The following SULT6B1 variants were observed in gnomAD, a reference collection of about 807,000 sequenced individuals.
SULT6B1 encodes the protein sulfotransferase 6B1.
A neutral mutation model predicts 37.2 loss-of-function variants in SULT6B1; 44 were observed. The ratio of observed to expected loss-of-function variants is 1.18; its 90% CI spans 0.93 to 1.52. The LOEUF (loss-of-function observed/expected upper bound fraction) is 1.52. Among genes scored for constraint, SULT6B1 ranks in the 40% most tolerant of loss-of-function variants. The pLI, the probability that SULT6B1 is intolerant of heterozygous loss-of-function variation, is 0.00. For missense variants in SULT6B1, 450 were observed against 361.0 expected (o/e 1.25, Z -2.00); for synonymous variants, 140 against 126.0 (o/e 1.11, Z -0.74).
In SULT6B1 at chr2:37,188,460, C is replaced by T. The variant is rs45552433; in HGVS notation, c.181G>A (p.Ala61Thr). The change falls in exon 1 of 7, where the codon GCA becomes ACA. Residue 61 changes from alanine (A) to threonine (T), a missense_variant. Coordinates refer to ENST00000535679, the MANE Select transcript of SULT6B1 (RefSeq NM_001367551.1). ...FEARHDDIVL[A>T]SYPKCGSNWI... ...CATTTACCGCACTTTGGATAAGATG[C>T]TAGCACGATGTCATCATGTCTGGCT... 48,543 of 1,613,508 alleles carry T rather than the reference C, an allele frequency of 0.03. 875 individuals carry two copies. Among genetic ancestry groups the T allele is most frequent in the Middle Eastern group, 0.036 (218 of 6,058 alleles).
chr2:37,189,610 C>A (rs1043883029), upstream of SULT6B1, among the ~76,000 whole-genome samples: 1 of 152,190 alleles, frequency 6.6e-6, no homozygotes, highest in African/African-American at 2.4e-5. Context: ...GTTTAGGAAG[C>A]TGTACACATG....
At chr2:37,184,572 T>G (rs1437985464) in intron 2 of SULT6B1, among the ~76,000 whole-genome samples, 1 of 152,170 alleles carries the variant, frequency 6.6e-6, no homozygotes, top group Admixed American at 6.5e-5. Context: ...ATAATGTAAG[T>G]GATAAAAGGA....
chr2:37,175,133 T>G lies in SULT6B1; in HGVS notation c.623A>C (p.Glu208Ala). The G allele has an allele frequency of 6.5e-7, 1 of 1,535,090 alleles. No individual in the cohort carries two copies. Among genetic ancestry groups the G allele is most frequent in the Non-Finnish European group, 8.8e-7 (1 of 1,136,170 alleles). Residue 208 changes from glutamate (E) to alanine (A), a missense_variant and splice_region_variant, in exon 5 of 7, where the codon GAG becomes GCG. Transcript: ENST00000535679. ...CTAAAATATCAATAATAATCTCACCTCTTTCAGGTCTTCATATAATATGAA... is the reference window on the plus strand; with the variant it reads ...CTAAAATATCAATAATAATCTCACCGCTTTCAGGTCTTCATATAATATGAA... ...VKFILYEDLKENLAAGIKQIA... is the reference protein window; with the variant it reads ...VKFILYEDLKANLAAGIKQIA...
At chr2:37,171,045 T>C (rs1467652599) in intron 6 of SULT6B1, among the ~76,000 whole-genome samples, 3 of 152,166 alleles carry the variant, frequency 2.0e-5, no homozygotes, top group Non-Finnish European at 2.9e-5. Context: ...AAGACCATCC[T>C]GGCCAACATG....
chr2:37,185,451 T>C (rs1470270777), intron 2 of SULT6B1, among the ~76,000 whole-genome samples: 1 of 152,116 alleles, frequency 6.6e-6, no homozygotes, highest in South Asian at 2.1e-4. Context: ...GCGTGGTGGC[T>C]CATGCCTGTA....
intron 3 of SULT6B1, among the ~76,000 whole-genome samples, chr2:37,181,631 T>C (rs6708973): frequency 0.3 from 44,951 of 151,876 alleles, 7,680 homozygotes; most frequent in East Asian, 0.78. Context: ...TCCCTCCTGC[T>C]TCGGCCTCCC....
At chr2:37,194,551 G>T in intron 1 of SULT6B1, 1 of 392,542 alleles carries the variant, frequency 2.5e-6, no homozygotes, top group South Asian at 2.0e-5. Flanking sequence ...TGGTATCAAT[G>T]CACACATCTG....
chr2:37,194,280 A>G, intron 1 of SULT6B1: 1 of 187,218 alleles, frequency 5.3e-6, no homozygotes, highest in Middle Eastern at 2.2e-3. Context: ...GGGTTTCACC[A>G]TATTGGCCAA....
intron 4 of SULT6B1, among the ~76,000 whole-genome samples, chr2:37,176,047 T>G (rs956807038): frequency 3.3e-5 from 5 of 152,146 alleles, no homozygotes; most frequent in Non-Finnish European, 7.3e-5. Flanking sequence ...AAGTGCTCCG[T>G]TGTCACATAT....
chr2:37,181,295 C>G (rs913993350), intron 3 of SULT6B1, among the ~76,000 whole-genome samples: 1 of 152,286 alleles, frequency 6.6e-6, no homozygotes, highest in Non-Finnish European at 1.5e-5. Flanking sequence ...TGTAAGTTTA[C>G]AAAGACATAA....
chr2:37,194,105 T>C (rs531046809), intron 1 of SULT6B1, among the ~76,000 whole-genome samples: 1 of 152,366 alleles, frequency 6.6e-6, no homozygotes, highest in East Asian at 1.9e-4. Context: ...AAAGAAATTT[T>C]ATATTTATAT....
At chr2:37,179,790 A>T (rs1676512327) in intron 3 of SULT6B1, among the ~76,000 whole-genome samples, 1 of 152,202 alleles carries the variant, frequency 6.6e-6, no homozygotes, top group South Asian at 2.1e-4. Flanking sequence ...AAAAAGATTG[A>T]TATTGTTGCA....
At chr2:37,195,253 A>G (rs934114245) in intron 1 of SULT6B1, among the ~76,000 whole-genome samples, 1 of 152,012 alleles carries the variant, frequency 6.6e-6, no homozygotes, top group African/African-American at 2.4e-5. Flanking sequence ...CCAAGCCCCA[A>G]TAGCTTTTTC....
In SULT6B1 at chr2:37,177,717, C is replaced by T. The variant is rs140019949; in HGVS notation, c.529+1741G>A. Reference sequence around the variant, plus strand: ...GTTAAAAGAATAGATTTTAGGTGCTCTTACTAAACACAAAACAGGTAATTG... The same window carrying T: ...GTTAAAAGAATAGATTTTAGGTGCTTTTACTAAACACAAAACAGGTAATTG... On this transcript the variant is annotated intron_variant, in intron 4 of 6. Transcript: ENST00000535679. 5.2e-3 allele frequency among the ~76,000 whole-genome samples: 793 copies of T among 152,154 alleles called. 3 individuals are homozygous for T. The highest frequency in any genetic ancestry group is 7.6e-3 in the Non-Finnish European group (519 of 68,002).
rs1169355964 is a variant in SULT6B1 at position 37,167,964 on chromosome 2, A to G, written c.883T>C (p.Leu295=). ...CCCTGGCAATATGATTCATACTTCA[A>G]CTTTGCTCCGAGGGAGGTGCCTGCT... is the stretch of plus-strand genomic sequence containing the variant. ...CLAGTSLGAK[L]KYESYCQG Residue 295 remains leucine (L), a synonymous_variant, in exon 7 of 7, where the codon TTG becomes CTG. Transcript: ENST00000535679. The G allele has an allele frequency of 6.9e-6, 11 of 1,599,616 alleles. No individual in the cohort carries two copies. The highest frequency in any genetic ancestry group is 2.3e-5 in the South Asian group (2 of 87,886).
chr2:37,171,640 T>C, intron 5 of SULT6B1, 50 bp from the exon 6 acceptor site: 1 of 1,577,738 alleles, frequency 6.3e-7, no homozygotes, highest in Non-Finnish European at 8.6e-7. Flanking sequence ...GAAATTGTTC[T>C]CTGAGCTGAG....
chr2:37,180,806 C>T (rs575356104), intron 3 of SULT6B1, among the ~76,000 whole-genome samples: 3 of 152,240 alleles, frequency 2.0e-5, no homozygotes, highest in Admixed American at 6.5e-5. Flanking sequence ...ATTGGTTGAA[C>T]CTAGGAGACG....
chr2:37,178,922 A>G (rs2148291282), intron 4 of SULT6B1, among the ~76,000 whole-genome samples: 1 of 152,214 alleles, frequency 6.6e-6, no homozygotes, highest in South Asian at 2.1e-4. Flanking sequence ...CTCTGTACTC[A>G]TAGTCAACAT....
chr2:37,167,918 T>A lies in SULT6B1; in HGVS notation c.*17A>T, dbSNP rs780859793. On this transcript the variant is annotated 3_prime_UTR_variant, in exon 7 of 7. Transcript: ENST00000535679. ...TTATTAAGGAAAATAAATCTAGGCC[T>A]GCTGAATTGACTGGAATCAACCCTG... 6.4e-7 allele frequency: 1 copy of A among 1,554,176 alleles called. No individual in the cohort carries two copies. The highest frequency in any genetic ancestry group is 8.6e-7 in the Non-Finnish European group (1 of 1,161,358).
Sources: allele counts gnomAD v4.1 joint callset (sites outside exome capture counted in the v4.1 genomes callset), GRCh38; gene constraint gnomAD v4.1.1; transcripts MANE v1.5; gene names NCBI Gene and HGNC (gene_info 2026-07-23, HGNC 2026-07-21).